Variants in PRKCA observed in about 807,000 individuals in gnomAD.
PRKCA encodes protein kinase C alpha.
A neutral mutation model predicts 87.0 loss-of-function variants in PRKCA; 27 were observed. The ratio of observed to expected loss-of-function variants is 0.31; its 90% CI spans 0.23 to 0.43. The LOEUF is 0.43. Ranked by LOEUF, PRKCA falls within the 20% of genes least tolerant of loss-of-function variation. The pLI, the probability that PRKCA is intolerant of heterozygous loss-of-function variation, is 1.00. For synonymous variants in PRKCA, 329 were observed against 311.1 expected (o/e 1.06, Z -0.61); for missense variants, 518 against 852.3 (o/e 0.61, Z 4.88).
chr17:66,596,571 C>CTT (rs10582567), intron 3 of PRKCA, among the ~76,000 whole-genome samples: 13,265 of 113,490 alleles, frequency 0.12, 832 homozygotes, highest in African/African-American at 0.21. Context: ...AATATTAAAC[C>CTT]TTTTTTTTTT....
intron 3 of PRKCA, among the ~76,000 whole-genome samples, chr17:66,502,493 C>T (rs1212796022): frequency 6.6e-6 from 1 of 152,114 alleles, no homozygotes; most frequent in Non-Finnish European, 1.5e-5. Flanking sequence ...CCTAGGCCTC[C>T]CAAAGTGCTG....
chr17:66,336,754 T>TTGTGTGTGTGTGTG (rs148842588), intron 2 of PRKCA, among the ~76,000 whole-genome samples: 1 of 133,664 alleles, frequency 7.5e-6, no homozygotes, highest in African/African-American at 2.8e-5. Flanking sequence ...GCAAATAAGT[T>TTGTGTGTGTGTGTG]TGTGTGTGTG....
chr17:66,698,688 A>G (rs1182492031), intron 8 of PRKCA, among the ~76,000 whole-genome samples: 2 of 152,054 alleles, frequency 1.3e-5, no homozygotes, highest in African/African-American at 4.8e-5. Context: ...TAAAGAAATG[A>G]TGGCCCAGGT....
chr17:66,563,317 C>G (rs1643645360), intron 3 of PRKCA, among the ~76,000 whole-genome samples: 2 of 152,138 alleles, frequency 1.3e-5, no homozygotes, highest in Non-Finnish European at 2.9e-5. Context: ...CCTAAAAATC[C>G]TCTGTGCTCC....
chr17:66,356,400 C>T (rs1439176968), intron 2 of PRKCA, among the ~76,000 whole-genome samples: 2 of 152,110 alleles, frequency 1.3e-5, no homozygotes, highest in African/African-American at 4.8e-5. Context: ...CTTTGGGAGG[C>T]CAAGGCAGGC....
chr17:66,585,062 GGGGA>G (rs1969550351), intron 3 of PRKCA, among the ~76,000 whole-genome samples: 2 of 124,778 alleles, frequency 1.6e-5, no homozygotes, highest in African/African-American at 3.3e-5. Context: ...TGAAATGCAT[GGGGA>G]GGGGGGGGTG....
intron 3 of PRKCA, among the ~76,000 whole-genome samples, chr17:66,575,887 G>A (rs1452140223): frequency 1.3e-5 from 2 of 152,098 alleles, no homozygotes; most frequent in Admixed American, 1.3e-4. Flanking sequence ...AGGCCAAGGT[G>A]GGTGGATCAT....
At chr17:66,750,846 T>G (rs1260716909) in intron 13 of PRKCA, among the ~76,000 whole-genome samples, 2 of 152,188 alleles carry the variant, frequency 1.3e-5, no homozygotes, top group Non-Finnish European at 2.9e-5. Context: ...AATGCAGACT[T>G]GGTTTTGAAC....
chr17:66,786,844 A>G, intron 14 of PRKCA, 23 bp from the exon 15 acceptor site: 1 of 1,591,836 alleles, frequency 6.3e-7, no homozygotes, highest in Non-Finnish European at 8.6e-7. Context: ...ATACTTTCCC[A>G]TCTTTCTTTT....
rs902801614 is a variant in PRKCA at position 66,805,076 on chromosome 17, G to C, written c.*1039G>C. On this transcript the variant is annotated 3_prime_UTR_variant, in exon 17 of 17. Transcript: ENST00000413366. ...AATGGAAGTGCTGACTCTAGCATCA[G>C]CCTCTACCGATTGATTTTCCTCCCT... 6 of 982,450 alleles carry C rather than the reference G, an allele frequency of 6.1e-6. No homozygotes were observed. In the Admixed American group the frequency reaches 3.7e-4, roughly 60 times the overall value. 60.9% of individuals were successfully genotyped at this position (982,450 alleles called of 1,614,324 possible). A position where few individuals can be genotyped will look rare whatever the true frequency, so the allele number is the denominator to read the frequency against.
At chr17:66,587,743 A>ATG (rs1460450716) in intron 3 of PRKCA, among the ~76,000 whole-genome samples, 7 of 80,982 alleles carry the variant, frequency 8.6e-5, no homozygotes, top group Admixed American at 1.3e-4. Context: ...ATATACGTAT[A>ATG]TGTGTGTATA....
chr17:66,526,119 A>G (rs991930447), intron 3 of PRKCA, among the ~76,000 whole-genome samples: 1 of 152,224 alleles, frequency 6.6e-6, no homozygotes, highest in Non-Finnish European at 1.5e-5. Context: ...CAGTGGATAA[A>G]AGCAGCTACA....
At chr17:66,775,534 T>C (rs1975027220) in intron 14 of PRKCA, 5 of 985,360 alleles carry the variant, frequency 5.1e-6, no homozygotes, top group Non-Finnish European at 6.0e-6. Context: ...TGCCTTATAC[T>C]AAACATGATT....
Position 66,605,242 on chromosome 17 carries a change from A to G in PRKCA, c.289-36113A>G, listed in dbSNP as rs548611087. On this transcript the variant is annotated intron_variant, in intron 3 of 16. Transcript: ENST00000413366. ...AGAAAGGCATTAGCACCATTTCACA[A>G]CTGAGGACCAAGTAGTTTAGAATTC... Among the ~76,000 whole-genome samples the G allele has an allele frequency of 2.1e-4, 32 of 152,304 alleles. 1 individual carries two copies. Among genetic ancestry groups the G allele is most frequent in the Admixed American group, 9.2e-4 (14 of 15,296 alleles).
At chr17:66,680,460 G>T (rs559420660) in intron 5 of PRKCA, among the ~76,000 whole-genome samples, 2 of 152,218 alleles carry the variant, frequency 1.3e-5, no homozygotes, top group Non-Finnish European at 2.9e-5. Context: ...TGCTCTTAGA[G>T]GGGGGGAGAA....
At chr17:66,688,857 C>T (rs1421689896) in intron 7 of PRKCA, 94 bp from the exon 8 acceptor site, 21 of 756,550 alleles carry the variant, frequency 2.8e-5, no homozygotes, top group Non-Finnish European at 4.1e-5. Context: ...GTAGCCTCTC[C>T]GTAGGATGCG....
Position 66,765,418 on chromosome 17 carries a change from CTATA to C in PRKCA, c.1525-8535_1525-8532del, listed in dbSNP as rs58356468. Reference sequence around the variant, plus strand: ...CCTGGTCGACAGAGCAAGACTTTGTCTATATATATATATATATATATATATATAT... The same window carrying C: ...CCTGGTCGACAGAGCAAGACTTTGTCTATATATATATATATATATATATAT... On this transcript the variant is annotated intron_variant, in intron 13 of 16. Transcript: ENST00000413366. 6.9e-3 allele frequency among the ~76,000 whole-genome samples: 340 copies of C among 49,332 alleles called. 4 individuals carry two copies. Among genetic ancestry groups the C allele is most frequent in the African/African-American group, 0.01 (135 of 13,292 alleles). 32.4% of individuals were successfully genotyped at this position (49,332 alleles called of 152,430 possible).
At position 66,634,271 on chromosome 17, in the gene PRKCA, G is replaced by T. The variant is rs147661716; in HGVS notation, c.289-7084G>T. Among the ~76,000 whole-genome samples the T allele has an allele frequency of 2.0e-3, 302 of 152,310 alleles. 2 individuals carry two copies. The highest frequency in any genetic ancestry group is 7.2e-3 in the African/African-American group (300 of 41,576). ...GACTTTATTCATGCCTATGAAAAGT[G>T]ATTAGCTCAAAGCCTTCATTTTTTT... On this transcript the variant is annotated intron_variant, in intron 3 of 16. Coordinates refer to ENST00000413366, the MANE Select transcript of PRKCA (RefSeq NM_002737.3).
chr17:66,796,553 A>G (rs1436377133), intron 16 of PRKCA: 1 of 984,550 alleles, frequency 1.0e-6, no homozygotes, highest in East Asian at 1.1e-4. Context: ...CCACTTTATA[A>G]CCCTTAACCG....
Sources: allele counts gnomAD v4.1 joint callset (sites outside exome capture counted in the v4.1 genomes callset), GRCh38; gene constraint gnomAD v4.1.1; transcripts MANE v1.5; gene names NCBI Gene and HGNC (gene_info 2026-07-23, HGNC 2026-07-21).